The following IFIT5 variants were observed in gnomAD, a reference collection of about 807,000 sequenced individuals.
IFIT5 encodes the protein interferon induced protein with tetratricopeptide repeats 5.
A neutral mutation model predicts 5.0 loss-of-function variants in IFIT5; 2 were observed. The observed-to-expected ratio is 0.40, with a 90% CI of 0.16 to 1.26. The LOEUF (loss-of-function observed/expected upper bound fraction) is 1.26. Ranked by LOEUF, IFIT5 falls within the 50% of genes most tolerant of loss-of-function variation. IFIT5 has a pLI of 0.33. For missense variants in IFIT5, 524 were observed against 563.2 expected, an observed-to-expected ratio of 0.93 and a Z score of 0.70; for synonymous variants, 206 against 204.6, an observed-to-expected ratio of 1.01 and a Z score of -0.06.
Position 89,418,753 on chromosome 10 carries a change from T to C in IFIT5, c.*105T>C, listed in dbSNP as rs185890957. ...TCCCTTGTTTATTATAGAGCTAATA[T>C]TTATTGAATAGTTATTGTGTACCAA... is the stretch of plus-strand genomic sequence containing the variant. On this transcript the variant is annotated 3_prime_UTR_variant, in exon 2 of 2. Coordinates refer to ENST00000371795, the MANE Select transcript of IFIT5 (RefSeq NM_012420.3). 2 of 1,125,474 alleles carry C rather than the reference T, an allele frequency of 1.8e-6. No individual in the cohort carries two copies. 69.7% of individuals were successfully genotyped at this position (1,125,474 alleles called of 1,614,324 possible). A position where few individuals can be genotyped will look rare whatever the true frequency, so the allele number is the denominator to read the frequency against.
At position 89,414,725 on chromosome 10, in the gene IFIT5, C is replaced by T; in HGVS notation, c.-74C>T. 2 of 1,552,750 alleles carry T rather than the reference C, an allele frequency of 1.3e-6. No homozygotes were observed. Among genetic ancestry groups the T allele is most frequent in the Non-Finnish European group, 1.7e-6 (2 of 1,158,560 alleles). ...CGCGCACGCCCACCGCGCGGCTTCC[C>T]GCGGTCCCCGGTGCTGAGGAGAGAG... On this transcript the variant is annotated 5_prime_UTR_variant, in exon 1 of 2. Coordinates refer to ENST00000371795, the MANE Select transcript of IFIT5 (RefSeq NM_012420.3).
Position 89,414,768 on chromosome 10 carries a change from C to A in IFIT5, c.-31C>A, listed in dbSNP as rs1438610536. 6.2e-7 allele frequency: 1 copy of A among 1,606,660 alleles called. No homozygotes were observed. The highest frequency in any genetic ancestry group is 2.3e-5 in the East Asian group (1 of 44,130). ...GGAGAGAGCGATCCGAGGGACTGCGCCGCCCGGACGGCCTGCAGAGCGCTG... is the reference window on the plus strand; with the variant it reads ...GGAGAGAGCGATCCGAGGGACTGCGACGCCCGGACGGCCTGCAGAGCGCTG... On this transcript the variant is annotated 5_prime_UTR_variant, in exon 1 of 2. Coordinates refer to ENST00000371795, the MANE Select transcript of IFIT5 (RefSeq NM_012420.3).
Position 89,418,672 on chromosome 10 carries a change from C to G in IFIT5, c.*24C>G, listed in dbSNP as rs746904448. On this transcript the variant is annotated 3_prime_UTR_variant, in exon 2 of 2. Coordinates refer to ENST00000371795, the MANE Select transcript of IFIT5 (RefSeq NM_012420.3). ...AAATACATACTCTAGGAAATTAGCT[C>G]TAAGTTTTTCCCTTCATTTTGGGTT... The G allele has an allele frequency of 1.3e-6, 2 of 1,553,518 alleles. No homozygotes were observed. The highest frequency in any genetic ancestry group is 2.8e-5 in the African/African-American group (2 of 72,248).
chr10:89,415,453 C>CT (rs899117198), intron 1 of IFIT5, among the ~76,000 whole-genome samples: 25 of 152,360 alleles, frequency 1.6e-4, no homozygotes, highest in African/African-American at 6.0e-4. Context: ...GGTCTGAGTT[C>CT]TTCCCTTCCC....
rs997420689 is a variant in IFIT5 at position 89,414,772 on chromosome 10, C to G, written c.-27C>G. 8 of 1,607,074 alleles carry G rather than the reference C, an allele frequency of 5.0e-6. No homozygotes were observed. The highest frequency in any genetic ancestry group is 1.7e-5 in the Admixed American group (1 of 59,538). ...AGAGCGATCCGAGGGACTGCGCCGC[C>G]CGGACGGCCTGCAGAGCGCTGCCAT... On this transcript the variant is annotated 5_prime_UTR_variant, in exon 1 of 2. Transcript: ENST00000371795.
In IFIT5 at chr10:89,414,723, C is replaced by G; in HGVS notation, c.-76C>G. 1 of 1,549,346 alleles carries G rather than the reference C, an allele frequency of 6.5e-7. No individual in the cohort carries two copies. The stretch of plus-strand genomic sequence containing the variant: ...CACGCGCACGCCCACCGCGCGGCTT[C>G]CCGCGGTCCCCGGTGCTGAGGAGAG... On this transcript the variant is annotated 5_prime_UTR_variant, in exon 1 of 2. Transcript: ENST00000371795.
At chr10:89,415,097 G>A (rs1355088771) in intron 1 of IFIT5, among the ~76,000 whole-genome samples, 3 of 152,192 alleles carry the variant, frequency 2.0e-5, no homozygotes, top group Non-Finnish European at 4.4e-5. Context: ...ATGCTCCCCG[G>A]GAGCCTGTCC....
chr10:89,415,453 C>A (rs1288910482), intron 1 of IFIT5, among the ~76,000 whole-genome samples: 1 of 152,242 alleles, frequency 6.6e-6, no homozygotes, highest in East Asian at 1.9e-4. Flanking sequence ...GGTCTGAGTT[C>A]TTCCCTTCCC....
rs759888870 is a variant in IFIT5 at position 89,418,622 on chromosome 10, C to T, written c.1423C>T (p.Leu475Phe). 1 of 1,612,410 alleles carries T rather than the reference C, an allele frequency of 6.2e-7. No individual in the cohort carries two copies. Among genetic ancestry groups the T allele is most frequent in the Non-Finnish European group, 8.5e-7 (1 of 1,178,962 alleles). Residue 475 changes from leucine (L) to phenylalanine (F), a missense_variant, in exon 2 of 2, where the codon CTC (leucine) becomes TTC (phenylalanine). Coordinates refer to ENST00000371795, the MANE Select transcript of IFIT5 (RefSeq NM_012420.3). ...AGAAAATGCAGAATTCCTGACTGCT[C>T]TCTGTGAGCTCCGACTTTCCATTTA... ...DPENAEFLTA[L>F]CELRLSI is the part of the protein sequence containing the mutation.
In IFIT5 at chr10:89,419,493, A is replaced by G. The variant is rs1430495011; in HGVS notation, c.*845A>G. ...AGCAGCCATTGGGAAATTGGGAGAA[A>G]TGATAAACAAATGGAAAAAGAAGAT... is the stretch of plus-strand genomic sequence containing the variant. On this transcript the variant is annotated 3_prime_UTR_variant, in exon 2 of 2. Transcript: ENST00000371795. 1.3e-5 allele frequency: 2 copies of G among 152,192 alleles called. No individual in the cohort carries two copies. The highest frequency in any genetic ancestry group is 4.8e-5 in the African/African-American group (2 of 41,444). The allele number at this position is 152,192 out of a possible 1,614,324, so 9.4% of individuals were successfully genotyped here.
In IFIT5 at chr10:89,418,965, A is replaced by G. The variant is rs767977767; in HGVS notation, c.*317A>G. ...CTGCTCTTTGAATTTCTCATATTATATAGTAAATATATTCCTACGTAAACC... is the reference window on the plus strand; with the variant it reads ...CTGCTCTTTGAATTTCTCATATTATGTAGTAAATATATTCCTACGTAAACC... On this transcript the variant is annotated 3_prime_UTR_variant, in exon 2 of 2. Transcript: ENST00000371795. The G allele has an allele frequency of 1.6e-5, 3 of 191,494 alleles. No homozygotes were observed. The highest frequency in any genetic ancestry group is 2.5e-4 in the East Asian group (2 of 8,042). 11.9% of individuals were successfully genotyped at this position (191,494 alleles called of 1,614,324 possible).
Position 89,418,653 on chromosome 10 carries a change from A to C in IFIT5, c.*5A>C. 6.3e-7 allele frequency: 1 copy of C among 1,595,428 alleles called. No homozygotes were observed. Among genetic ancestry groups the C allele is most frequent in the Non-Finnish European group, 8.5e-7 (1 of 1,171,448 alleles). On this transcript the variant is annotated 3_prime_UTR_variant, in exon 2 of 2. Transcript: ENST00000371795. ...GAGCTCCGACTTTCCATTTAAATAC[A>C]TACTCTAGGAAATTAGCTCTAAGTT...
At chr10:89,415,055 T>C (rs1841519975) in intron 1 of IFIT5, among the ~76,000 whole-genome samples, 1 of 152,076 alleles carries the variant, frequency 6.6e-6, no homozygotes, top group Non-Finnish European at 1.5e-5. Context: ...CCCCAGCGCC[T>C]AAGAAGGCCG....
intron 1 of IFIT5, among the ~76,000 whole-genome samples, chr10:89,416,679 A>C (rs911709355): frequency 2.0e-5 from 3 of 152,230 alleles, no homozygotes; most frequent in Non-Finnish European, 4.4e-5. Flanking sequence ...GGGCTGGTAG[A>C]GACCTTCAAA....
intron 1 of IFIT5, 35 bp from the exon 2 acceptor site, chr10:89,417,170 T>A (rs1444185917): frequency 6.7e-7 from 1 of 1,499,572 alleles, no homozygotes; most frequent in East Asian, 2.3e-5. Flanking sequence ...TTCTTGTATT[T>A]CTTCAAAAAT....
Position 89,417,574 on chromosome 10 carries a change from G to A in IFIT5, c.375G>A (p.Lys125=). 1 of 1,614,212 alleles carries A rather than the reference G, an allele frequency of 6.2e-7. No individual in the cohort carries two copies. The highest frequency in any genetic ancestry group is 8.5e-7 in the Non-Finnish European group (1 of 1,180,012). ...KYTGKIGNVC[K]KLSSPSNYKL... is the part of the protein sequence containing the mutation. ...CAGGTAAGATAGGGAATGTCTGTAAGAAATTGTCCAGTCCTTCTAACTACA... is the reference window on the plus strand; with the variant it reads ...CAGGTAAGATAGGGAATGTCTGTAAAAAATTGTCCAGTCCTTCTAACTACA... Residue 125 remains lysine, a synonymous_variant, in exon 2 of 2, where the codon AAG becomes AAA. Transcript: ENST00000371795.
In IFIT5 at chr10:89,419,210, T is replaced by C. The variant is rs1004256458; in HGVS notation, c.*562T>C. The C allele has an allele frequency of 6.6e-6, 1 of 152,070 alleles. No homozygotes were observed. The highest frequency in any genetic ancestry group is 2.1e-4 in the South Asian group (1 of 4,832). 9.4% of individuals were successfully genotyped at this position (152,070 alleles called of 1,614,324 possible). On this transcript the variant is annotated 3_prime_UTR_variant, in exon 2 of 2. Transcript: ENST00000371795. Reference sequence around the variant, plus strand: ...AGTTTGTCATCTCTAGTGACTTCAATAAAGAAAAAACTAGAAGAGGAGAAA... The same window carrying C: ...AGTTTGTCATCTCTAGTGACTTCAACAAAGAAAAAACTAGAAGAGGAGAAA...
chr10:89,414,687 GCGCGCACGCGCA>G lies in IFIT5; in HGVS notation c.-102_-91del, dbSNP rs974653818. 8.9e-6 allele frequency: 12 copies of G among 1,349,976 alleles called. No individual in the cohort carries two copies. Among genetic ancestry groups the G allele is most frequent in the East Asian group, 2.8e-5 (1 of 36,202 alleles). The allele number at this position is 1,349,976 out of a possible 1,614,324, so 83.6% of individuals were successfully genotyped here. ...AGTCCAGGGGCTGCAGAGGCCTGGCGCGCGCACGCGCACGCGCACGCCCACCGCGCGGCTTCC... is the reference window on the plus strand; with the variant it reads ...AGTCCAGGGGCTGCAGAGGCCTGGCGCGCGCACGCCCACCGCGCGGCTTCC... On this transcript the variant is annotated 5_prime_UTR_variant, in exon 1 of 2. Coordinates refer to ENST00000371795, the MANE Select transcript of IFIT5 (RefSeq NM_012420.3).
Position 89,417,976 on chromosome 10 carries a change from T to C in IFIT5, c.777T>C (p.Tyr259=). 6.2e-7 allele frequency: 1 copy of C among 1,614,160 alleles called. No homozygotes were observed. The change falls in exon 2 of 2, where the codon TAT becomes TAC. Residue 259 remains tyrosine (Y), a synonymous_variant. Coordinates refer to ENST00000371795, the MANE Select transcript of IFIT5 (RefSeq NM_012420.3). Reference sequence around the variant, plus strand: ...TCCTTCGTTATGCAGCCAAGTTCTATAGGAGAAAAAATTCCTGGAACAAAG... The same window carrying C: ...TCCTTCGTTATGCAGCCAAGTTCTACAGGAGAAAAAATTCCTGGAACAAAG... ...PYVLRYAAKF[Y]RRKNSWNKAL...
Sources: gnomAD v4.1 joint callset for allele counts (sites outside exome capture counted in the v4.1 genomes callset) on GRCh38, gnomAD v4.1.1 for gene constraint, MANE v1.5 for transcripts, NCBI Gene and HGNC (gene_info 2026-07-23, HGNC 2026-07-21) for gene names.